The following INTS13 variants were observed in gnomAD, a reference collection of about 807,000 sequenced individuals.
The protein encoded by INTS13 is asunder, spermatogenesis regulator homolog (Drosphila).
INTS13 carries 35 observed loss-of-function variants against 90.2 expected under a neutral mutation model. The observed-to-expected ratio is 0.39, with a 90% CI of 0.30 to 0.51. The LOEUF is 0.51. Among genes scored for constraint, INTS13 ranks in the 20% least tolerant of loss-of-function variants. The probability of loss-of-function intolerance (pLI) is 0.80; values close to 1 mark genes in which losing one functional copy is unlikely to be tolerated. For missense variants in INTS13, 601 were observed against 851.2 expected, an observed-to-expected ratio of 0.71 and a Z score of 3.66; for synonymous variants, 309 against 277.1, an observed-to-expected ratio of 1.11 and a Z score of -1.14.
Position 26,925,748 on chromosome 12 carries a change from T to C in INTS13, c.675+13A>G, listed in dbSNP as rs1050068582. 1 of 1,590,578 alleles carries C rather than the reference T, an allele frequency of 6.3e-7. No individual in the cohort carries two copies. Among genetic ancestry groups the C allele is most frequent in the African/African-American group, 1.3e-5 (1 of 74,524 alleles). Reference sequence around the variant, plus strand: ...ACCACAATAGTCTTTTCTTTCATTATTTCAACACTCACCTCTTTTTTAGAA... The same window carrying C: ...ACCACAATAGTCTTTTCTTTCATTACTTCAACACTCACCTCTTTTTTAGAA... On this transcript the variant is annotated intron_variant, in intron 6 of 16. Coordinates refer to ENST00000261191, the MANE Select transcript of INTS13 (RefSeq NM_018164.3).
chr12:26,930,470 G>A lies in INTS13; in HGVS notation c.301-1565C>T, dbSNP rs980722500. ...AGAGACACAGAAAGGTTTAACATAGGGAAAAGGTGTGACATGGATAACCAA... is the reference window on the plus strand; with the variant it reads ...AGAGACACAGAAAGGTTTAACATAGAGAAAAGGTGTGACATGGATAACCAA... On this transcript the variant is annotated intron_variant, in intron 3 of 16. Transcript: ENST00000261191. Among the ~76,000 whole-genome samples the A allele has an allele frequency of 1.3e-5, 2 of 152,242 alleles. 1 individual carries two copies. Among genetic ancestry groups the A allele is most frequent in the East Asian group, 3.9e-4 (2 of 5,190 alleles).
chr12:26,933,107 G>A (rs895246707), intron 3 of INTS13, among the ~76,000 whole-genome samples: 1 of 152,134 alleles, frequency 6.6e-6, no homozygotes, highest in African/African-American at 2.4e-5. Context: ...AAGAGTATAA[G>A]TCAAAGTTCT....
chr12:26,924,085 A>G (rs771139612), intron 7 of INTS13, among the ~76,000 whole-genome samples: 5 of 152,208 alleles, frequency 3.3e-5, no homozygotes, highest in Non-Finnish European at 5.9e-5. Context: ...CTAGCAAAAC[A>G]GAAAATACGA....
At chr12:26,916,605 A>T (rs1365757541) in intron 10 of INTS13, among the ~76,000 whole-genome samples, 1 of 152,214 alleles carries the variant, frequency 6.6e-6, no homozygotes, top group Admixed American at 6.5e-5. Context: ...CCACACTGTA[A>T]TCATAACTAC....
chr12:26,913,724 T>C (rs1951855293), intron 13 of INTS13, 37 bp from the exon 14 acceptor site: 2 of 1,509,882 alleles, frequency 1.3e-6, no homozygotes, highest in Non-Finnish European at 1.8e-6. Flanking sequence ...TTAAATAATA[T>C]TGAAGTGTCA....
intron 15 of INTS13, among the ~76,000 whole-genome samples, chr12:26,909,070 C>A (rs1278182940): frequency 6.6e-6 from 1 of 152,138 alleles, no homozygotes; most frequent in Non-Finnish European, 1.5e-5. Context: ...ATAAATACCA[C>A]CCTGTGGGGG....
chr12:26,912,076 G>A (rs1163287336), intron 14 of INTS13, among the ~76,000 whole-genome samples: 1 of 152,222 alleles, frequency 6.6e-6, no homozygotes, highest in Non-Finnish European at 1.5e-5. Flanking sequence ...GTTAATCATT[G>A]AAGGTAGATG....
intron 9 of INTS13, 72 bp downstream of exon 9, chr12:26,917,572 A>G (rs1348577306): frequency 1.4e-6 from 2 of 1,407,186 alleles, no homozygotes; most frequent in African/African-American, 2.9e-5. Context: ...GCAAAACAGA[A>G]TAAATTGACC....
rs1565833162 is a variant in INTS13 at position 26,928,149 on chromosome 12, T to G, written c.584+56A>C. On this transcript the variant is annotated intron_variant, in intron 5 of 16. Coordinates refer to ENST00000261191, the MANE Select transcript of INTS13 (RefSeq NM_018164.3). ...TACCAGTCAAGTTATTGGAAATAAT[T>G]ATAACATATATCTATCCACATGAAC... The G allele has an allele frequency of 2.4e-6, 3 of 1,265,396 alleles. No homozygotes were observed. The Admixed American group carries it at 5.3e-5, about 22-fold the overall frequency. 78.4% of individuals were successfully genotyped at this position (1,265,396 alleles called of 1,614,324 possible).
At chr12:26,918,205 A>G (rs887224648) in intron 8 of INTS13, among the ~76,000 whole-genome samples, 1 of 152,158 alleles carries the variant, frequency 6.6e-6, no homozygotes, top group African/African-American at 2.4e-5. Context: ...GGAACTCTGT[A>G]CTGTCTTCAC....
At chr12:26,937,518 A>T (rs540315239) in intron 1 of INTS13, 1 of 152,460 alleles carries the variant, frequency 6.6e-6, no homozygotes, top group South Asian at 2.1e-4. Context: ...TTCTTATTAA[A>T]ACAGAGCATA....
intron 3 of INTS13, among the ~76,000 whole-genome samples, chr12:26,932,203 A>G (rs1193059107): frequency 6.6e-6 from 1 of 152,216 alleles, no homozygotes; most frequent in Non-Finnish European, 1.5e-5. Flanking sequence ...AGAATATATA[A>G]AAATGGATGA....
At chr12:26,928,111 T>C in intron 5 of INTS13, 94 bp downstream of exon 5, 1 of 874,182 alleles carries the variant, frequency 1.1e-6, no homozygotes, top group Admixed American at 2.2e-5. Flanking sequence ...CAATAGAGAA[T>C]TCAGGGAAAC....
chr12:26,928,279 A>T lies in INTS13; in HGVS notation c.510T>A (p.Ser170Arg). 1 of 1,609,346 alleles carries T rather than the reference A, an allele frequency of 6.2e-7. No homozygotes were observed. Residue 170 changes from serine (S) to arginine (R), a missense_variant, in exon 5 of 17, where the codon AGT becomes AGA. Physicochemically the swap from Ser to Arg is moderately radical, Grantham distance 110 (BLOSUM62 -1). Around this residue, in one of 3 missense-constraint regions of INTS13, gnomAD observed 284 missense variants for 387.7 expected, o/e 0.73. Coordinates refer to ENST00000261191, the MANE Select transcript of INTS13 (RefSeq NM_018164.3). ...CACAGTCTTCAAGCATTCGCACATG[A>T]CTATCACTATGGCATAAAAAAGATA... The part of the protein sequence containing the change: ...IICITNAKSD[S>R]HVRMLEDCVQ...
chr12:26,937,632 A>G (rs1323540410), intron 1 of INTS13, 164 bp downstream of exon 1: 1 of 152,246 alleles, frequency 6.6e-6, no homozygotes, highest in Non-Finnish European at 1.5e-5. Context: ...AAACGAACTG[A>G]TTTCTTACGA....
intron 13 of INTS13, 38 bp from the exon 14 acceptor site, chr12:26,913,725 T>G (rs773563258): frequency 1.3e-6 from 2 of 1,505,850 alleles, no homozygotes; most frequent in East Asian, 2.3e-5. Flanking sequence ...TAAATAATAT[T>G]GAAGTGTCAC....
intron 11 of INTS13, among the ~76,000 whole-genome samples, chr12:26,915,507 C>T (rs1431657993): frequency 1.3e-5 from 2 of 151,936 alleles, no homozygotes; most frequent in African/African-American, 4.8e-5. Flanking sequence ...TTTTTACAAC[C>T]ACCTCAAGAA....
intron 15 of INTS13, among the ~76,000 whole-genome samples, chr12:26,909,472 C>CTTTTT (rs756908915): frequency 2.4e-5 from 3 of 127,074 alleles, no homozygotes; most frequent in Non-Finnish European, 3.3e-5. Flanking sequence ...AGATAATACT[C>CTTTTT]TTTTTTTTTT....
chr12:26,924,398 T>C lies in INTS13; in HGVS notation c.761A>G (p.His254Arg). ...ATKLNILVQQ[H>R]FDLASTTITN... ...AATAGTAGTTGAAGCCAAGTCAAAA[T>C]GTTGCTGTACTAAAATATTCAATTT... The change falls in exon 7 of 17, where the codon CAT becomes CGT. Residue 254 changes from histidine (H) to arginine (R), a missense_variant. This residue lies in a region of INTS13 where 284 missense variants were observed against 387.7 expected (regional missense o/e 0.73). Coordinates refer to ENST00000261191, the MANE Select transcript of INTS13 (RefSeq NM_018164.3). 1 of 1,613,296 alleles carries C rather than the reference T, an allele frequency of 6.2e-7. No individual in the cohort carries two copies. The highest frequency in any genetic ancestry group is 8.5e-7 in the Non-Finnish European group (1 of 1,179,528).
Sources: allele counts gnomAD v4.1 joint callset (sites outside exome capture counted in the v4.1 genomes callset), GRCh38; gene constraint gnomAD v4.1.1; regional missense constraint gnomAD v4.1.1; transcripts MANE v1.5; gene names NCBI Gene and HGNC (gene_info 2026-07-23, HGNC 2026-07-21).